Variants in WWTR1 observed in about 807,000 individuals in gnomAD.
The protein encoded by WWTR1 is WW domain-containing transcription regulator protein 1.
Under a neutral mutation model 40.1 loss-of-function variants are expected in WWTR1, and 13 were observed. The ratio of observed to expected loss-of-function variants is 0.32; its 90% confidence interval spans 0.21 to 0.52. The LOEUF (loss-of-function observed/expected upper bound fraction) is 0.52. Ranked by LOEUF, WWTR1 falls within the 20% of genes least tolerant of loss-of-function variation. The pLI is 0.97. For missense variants in WWTR1, 436 were observed against 523.1 expected (o/e 0.83, Z 1.63); for synonymous variants, 230 against 210.1 (o/e 1.09, Z -0.82).
chr3:149,646,158 C>CG (rs1377823332), intron 2 of WWTR1, among the ~76,000 whole-genome samples: 1 of 152,070 alleles, frequency 6.6e-6, no homozygotes, highest in Admixed American at 6.5e-5. Context: ...AAAAATAAAA[C>CG]GATAGGTAAG....
rs546255826 is a variant in WWTR1 at position 149,617,082 on chromosome 3, C to G, written c.431+39794G>C. 2.0e-5 allele frequency among the ~76,000 whole-genome samples: 3 copies of G among 152,294 alleles called. No homozygotes were observed. In the South Asian group the frequency reaches 6.2e-4, roughly 32 times the overall value. On this transcript the variant is annotated intron_variant, in intron 2 of 6. Transcript: ENST00000360632. ...ATTAAGTTTATGTGCCATTTTTAGA[C>G]ATGCTATCTCTTAATTAAAACCAGC...
At position 149,722,069 on chromosome 3, in the gene WWTR1, G is replaced by C. The variant is rs1217784859; in HGVS notation, n.459+2011C>G. Among the ~76,000 whole-genome samples, 10 of 152,034 alleles carry C rather than the reference G, an allele frequency of 6.6e-5. No individual in the cohort carries two copies. The East Asian group carries it at 1.9e-3, about 29-fold the overall frequency. On this transcript the variant is annotated intron_variant and non_coding_transcript_variant, in intron 4 of 6. Coordinates refer to the WWTR1 transcript ENST00000474080. ...AAATCCTTTTTATTTCTGTAGATTTGGTAATAATGTCCCCACTTTAATTTC... is the reference window on the plus strand; with the variant it reads ...AAATCCTTTTTATTTCTGTAGATTTCGTAATAATGTCCCCACTTTAATTTC...
chr3:149,662,194 C>T (rs1423343769), upstream of WWTR1, among the ~76,000 whole-genome samples: 1 of 148,542 alleles, frequency 6.7e-6, no homozygotes, highest in African/African-American at 2.6e-5. Context: ...AAACAAAAAA[C>T]CCTGAGATTC....
chr3:149,520,946 C>G lies in WWTR1; in HGVS notation c.1062G>C (p.Gln354His). The G allele has an allele frequency of 1.2e-6, 2 of 1,612,836 alleles. No individual in the cohort carries two copies. Among genetic ancestry groups the G allele is most frequent in the South Asian group, 2.2e-5 (2 of 90,676 alleles). ...AGTCAAGGAAATCAGGGAAACGGGTCTGTTGGGGATTGATGTTCATGGGTG... is the reference window on the plus strand; with the variant it reads ...AGTCAAGGAAATCAGGGAAACGGGTGTGTTGGGGATTGATGTTCATGGGTG... ...GQTPMNINPQ[Q>H]TRFPDFLDCL... The change falls in exon 7 of 7, where the codon CAG (glutamine) becomes CAC (histidine). Residue 354 changes from glutamine (Q) to histidine (H), a missense_variant. Coordinates refer to ENST00000360632, the MANE Select transcript of WWTR1 (RefSeq NM_015472.6).
chr3:149,583,609 A>G (rs1194045642), intron 2 of WWTR1, among the ~76,000 whole-genome samples: 1 of 152,256 alleles, frequency 6.6e-6, no homozygotes, highest in African/African-American at 2.4e-5. Context: ...TCTTTCAGTA[A>G]GCCCAATGCA....
At chr3:149,545,964 G>A (rs1172148255) in intron 3 of WWTR1, among the ~76,000 whole-genome samples, 2 of 152,158 alleles carry the variant, frequency 1.3e-5, no homozygotes, top group Non-Finnish European at 2.9e-5. Context: ...TGCATTGGGC[G>A]TACTCTCAAG....
chr3:149,707,274 A>G (rs1302215263), upstream of WWTR1, among the ~76,000 whole-genome samples: 6 of 152,134 alleles, frequency 3.9e-5, no homozygotes, highest in African/African-American at 1.4e-4. Flanking sequence ...GTCTTTGATC[A>G]AAGCCCCCAG....
At chr3:149,641,158 CATT>C (rs143843078) in intron 2 of WWTR1, among the ~76,000 whole-genome samples, 2,527 of 152,264 alleles carry the variant, frequency 0.017, 71 homozygotes, top group African/African-American at 0.058. Context: ...ACAAAACAGA[CATT>C]GTTTTAAAAA....
At chr3:149,691,058 G>C (rs151250871) in intron 1 of WWTR1, among the ~76,000 whole-genome samples, 2,565 of 152,050 alleles carry the variant, frequency 0.017, 30 homozygotes, top group Non-Finnish European at 0.027. Context: ...GCATGGCATT[G>C]ATTGAGAAAA....
At chr3:149,663,462 A>C (rs1418402642) in intron 2 of WWTR1, among the ~76,000 whole-genome samples, 2 of 151,890 alleles carry the variant, frequency 1.3e-5, no homozygotes, top group African/African-American at 2.4e-5. Context: ...TTGGGAGGCC[A>C]AGGCAGGCAG....
chr3:149,664,896 A>ACTATCTT (rs1560110090), intron 2 of WWTR1, among the ~76,000 whole-genome samples: 2 of 152,084 alleles, frequency 1.3e-5, no homozygotes, highest in East Asian at 3.9e-4. Flanking sequence ...GCCAGAAGGC[A>ACTATCTT]CTATCTTTTG....
At chr3:149,611,062 G>A (rs963726280) in intron 2 of WWTR1, among the ~76,000 whole-genome samples, 1 of 152,158 alleles carries the variant, frequency 6.6e-6, no homozygotes, top group Non-Finnish European at 1.5e-5. Flanking sequence ...GCTGAGGTGG[G>A]AAGATAGATT....
At chr3:149,710,067 C>A (rs1010902988) in intron 5 of WWTR1, among the ~76,000 whole-genome samples, 1 of 152,064 alleles carries the variant, frequency 6.6e-6, no homozygotes, top group Non-Finnish European at 1.5e-5. Context: ...TTCTCTTCTT[C>A]CCTCTGCTGA....
At chr3:149,618,330 C>T (rs1175960503) in intron 2 of WWTR1, among the ~76,000 whole-genome samples, 1 of 152,214 alleles carries the variant, frequency 6.6e-6, no homozygotes, top group Admixed American at 6.5e-5. Context: ...GTGGGGTCAG[C>T]AGACACTGAG....
chr3:149,662,284 G>A (rs770255236), upstream of WWTR1, among the ~76,000 whole-genome samples: 7 of 152,104 alleles, frequency 4.6e-5, no homozygotes, highest in Non-Finnish European at 7.3e-5. Context: ...CCCTGGTATT[G>A]CCATTTTAAA....
chr3:149,664,148 G>A (rs1043184752), intron 2 of WWTR1, among the ~76,000 whole-genome samples: 2 of 152,268 alleles, frequency 1.3e-5, no homozygotes, highest in African/African-American at 4.8e-5. Flanking sequence ...AGAGGACTGT[G>A]GTCCCAGAAG....
chr3:149,576,318 C>T (rs1300032307), intron 2 of WWTR1: 1 of 329,500 alleles, frequency 3.0e-6, no homozygotes, highest in Non-Finnish European at 6.0e-6. Flanking sequence ...GCCTCAGGCT[C>T]CAGCTCCCCC....
intron 1 of WWTR1, among the ~76,000 whole-genome samples, chr3:149,686,453 A>T (rs1170619476): frequency 1.3e-5 from 2 of 152,176 alleles, no homozygotes; most frequent in Non-Finnish European, 2.9e-5. Context: ...CAGGAGTTCA[A>T]GGCTATGGTC....
At chr3:149,671,773 T>C (rs955726918) in intron 1 of WWTR1, among the ~76,000 whole-genome samples, 5 of 152,194 alleles carry the variant, frequency 3.3e-5, no homozygotes, top group African/African-American at 1.2e-4. Flanking sequence ...TATCTTAATG[T>C]ACTATATTAT....
Sources: gnomAD v4.1 joint callset for allele counts (sites outside exome capture counted in the v4.1 genomes callset) on GRCh38, gnomAD v4.1.1 for gene constraint, MANE v1.5 for transcripts, NCBI Gene and HGNC (gene_info 2026-07-23, HGNC 2026-07-21) for gene names.